NOS1AP: variants seen among roughly 807,000 people sequenced by gnomAD.
NOS1AP encodes the protein carboxyl-terminal PDZ ligand of neuronal nitric oxide synthase protein.
NOS1AP carries 21 observed loss-of-function variants against 56.2 expected under a neutral mutation model. The ratio of observed to expected loss-of-function variants is 0.37; its 90% CI spans 0.26 to 0.54. The LOEUF (loss-of-function observed/expected upper bound fraction) is 0.54, where lower values mean the gene tolerates loss of function less well. NOS1AP is among the 20% of genes least tolerant of loss of function. The pLI, the probability that NOS1AP is intolerant of heterozygous loss-of-function variation, is 0.84. For missense variants in NOS1AP, 522 were observed against 657.8 expected (o/e 0.79, Z 2.26); for synonymous variants, 270 against 274.6 (o/e 0.98, Z 0.17).
chr1:162,154,306 A>AAATGGGC, intron 1 of NOS1AP, 99 bp from the exon 2 acceptor site: 8 of 983,796 alleles, frequency 8.1e-6, no homozygotes, highest in Non-Finnish European at 1.3e-5. Flanking sequence ...TTCATCTGTA[A>AAATGGGC]AATGGGCAGA....
chr1:162,195,123 A>G (rs2102159737), intron 2 of NOS1AP, among the ~76,000 whole-genome samples: 1 of 152,250 alleles, frequency 6.6e-6, no homozygotes, highest in East Asian at 1.9e-4. Flanking sequence ...GGATAGGGGT[A>G]GTATAGAGGG....
chr1:162,213,709 G>A (rs1253203152), intron 2 of NOS1AP, among the ~76,000 whole-genome samples: 11 of 152,200 alleles, frequency 7.2e-5, no homozygotes, highest in Non-Finnish European at 1.3e-4. Flanking sequence ...TCCCTGGCAT[G>A]TGCCTGTGCC....
chr1:162,153,312 A>G (rs1483251181), intron 1 of NOS1AP, among the ~76,000 whole-genome samples: 2 of 152,148 alleles, frequency 1.3e-5, no homozygotes, highest in African/African-American at 4.8e-5. Flanking sequence ...TGTTTTTAAT[A>G]GAGATGAGGT....
chr1:162,146,665 GT>G (rs1178846368), intron 1 of NOS1AP, among the ~76,000 whole-genome samples: 5 of 152,242 alleles, frequency 3.3e-5, no homozygotes, highest in Admixed American at 2.6e-4. Context: ...ATCTCTGCCT[GT>G]TTTTTGTCTC....
chr1:162,356,278 C>G (rs1229246152), intron 7 of NOS1AP, among the ~76,000 whole-genome samples: 1 of 152,150 alleles, frequency 6.6e-6, no homozygotes, highest in Admixed American at 6.5e-5. Context: ...ATCGTAGAAG[C>G]CATCTTGGTA....
At chr1:162,267,102 T>C (rs1249997915) in intron 2 of NOS1AP, among the ~76,000 whole-genome samples, 2 of 152,172 alleles carry the variant, frequency 1.3e-5, no homozygotes, top group Non-Finnish European at 1.5e-5. Flanking sequence ...GAGTGAGTAA[T>C]TGTTTTGATT....
chr1:162,093,141 G>A (rs1269943127), intron 1 of NOS1AP, among the ~76,000 whole-genome samples: 1 of 152,158 alleles, frequency 6.6e-6, no homozygotes, highest in Non-Finnish European at 1.5e-5. Flanking sequence ...AGAACCCCTG[G>A]AATATTGCAT....
intron 3 of NOS1AP, among the ~76,000 whole-genome samples, chr1:162,299,756 G>A (rs1350532016): frequency 6.6e-6 from 1 of 151,412 alleles, no homozygotes; most frequent in African/African-American, 2.4e-5. Context: ...TAAATGTGGT[G>A]TGTGTGTGTG....
intron 4 of NOS1AP, among the ~76,000 whole-genome samples, chr1:162,312,114 G>A (rs924974308): frequency 2.7e-5 from 4 of 150,860 alleles, no homozygotes; most frequent in African/African-American, 9.9e-5. Context: ...GGGATGGCTG[G>A]GTCAAATGGT....
intron 3 of NOS1AP, among the ~76,000 whole-genome samples, chr1:162,288,002 A>G (rs778658112): frequency 1.3e-5 from 2 of 152,138 alleles, no homozygotes; most frequent in Non-Finnish European, 2.9e-5. Flanking sequence ...GAGGATGGGC[A>G]GGGGGATTGA....
intron 2 of NOS1AP, among the ~76,000 whole-genome samples, chr1:162,155,239 T>TAC (rs1424869927): frequency 1.1e-4 from 16 of 146,438 alleles, no homozygotes; most frequent in African/African-American, 4.0e-4. Context: ...TATATATACA[T>TAC]ATACATATAC....
At chr1:162,216,469 G>A (rs974032772) in intron 2 of NOS1AP, among the ~76,000 whole-genome samples, 4 of 152,144 alleles carry the variant, frequency 2.6e-5, no homozygotes, top group Non-Finnish European at 2.9e-5. Flanking sequence ...CTTCTAGAGC[G>A]GGCTTTACAT....
chr1:162,348,933 C>G (rs1657392922), intron 6 of NOS1AP, among the ~76,000 whole-genome samples: 1 of 152,212 alleles, frequency 6.6e-6, no homozygotes, highest in African/African-American at 2.4e-5. Flanking sequence ...TGCCTGTAAT[C>G]CCAGCACTTT....
intron 1 of NOS1AP, among the ~76,000 whole-genome samples, chr1:162,094,897 T>A (rs1692203962): frequency 6.6e-6 from 1 of 152,148 alleles, no homozygotes. Flanking sequence ...CATCTTCTAC[T>A]CCTTACAGTG....
intron 1 of NOS1AP, among the ~76,000 whole-genome samples, chr1:162,141,259 C>T (rs186734939): frequency 6.6e-6 from 1 of 152,020 alleles, no homozygotes; most frequent in East Asian, 1.9e-4. Flanking sequence ...GGAGGTTGAC[C>T]AGATGGCTCA....
chr1:162,332,454 C>T (rs1442893078), intron 4 of NOS1AP, among the ~76,000 whole-genome samples: 1 of 152,164 alleles, frequency 6.6e-6, no homozygotes, highest in East Asian at 1.9e-4. Flanking sequence ...GTGCCTGGCC[C>T]ACAGTGTGCA....
chr1:162,299,178 A>G (rs1338354992), intron 3 of NOS1AP, among the ~76,000 whole-genome samples: 4 of 152,222 alleles, frequency 2.6e-5, no homozygotes, highest in Admixed American at 2.6e-4. Flanking sequence ...AAAGCAGCCT[A>G]ATGTGTGCTC....
intron 1 of NOS1AP, among the ~76,000 whole-genome samples, chr1:162,072,093 G>GATAT (rs1487479434): frequency 2.0e-5 from 3 of 152,052 alleles, no homozygotes. Flanking sequence ...TAGATAGATA[G>GATAT]ATAGATAGAT....
intron 1 of NOS1AP, among the ~76,000 whole-genome samples, chr1:162,128,846 G>C (rs1648613588): frequency 6.6e-6 from 1 of 152,108 alleles, no homozygotes; most frequent in South Asian, 2.1e-4. Context: ...TGGACCACTG[G>C]GGATCAGTTG....
Sources: allele counts gnomAD v4.1 joint callset (sites outside exome capture counted in the v4.1 genomes callset), GRCh38; gene constraint gnomAD v4.1.1; transcripts MANE v1.5; gene names NCBI Gene and HGNC (gene_info 2026-07-23, HGNC 2026-07-21).